The following VPS13A variants were observed in gnomAD, a reference collection of about 807,000 sequenced individuals.
The protein encoded by VPS13A is intermembrane lipid transfer protein VPS13A.
In VPS13A, 264 loss-of-function variants were observed where a neutral mutation model predicts 390.9. The observed-to-expected ratio is 0.68, with a 90% confidence interval of 0.61 to 0.75. The LOEUF is 0.75. Ranked by LOEUF, VPS13A falls within the 30% of genes least tolerant of loss-of-function variation. The pLI, the probability that VPS13A is intolerant of heterozygous loss-of-function variation, is 0.00. For synonymous variants in VPS13A, 1,231 were observed against 1,227.1 expected, an observed-to-expected ratio of 1.00 and a Z score of -0.07; for missense variants, 3,409 against 3,733.9, an observed-to-expected ratio of 0.91 and a Z score of 2.27.
intron 31 of VPS13A, among the ~76,000 whole-genome samples, chr9:77,291,876 T>C (rs1034880371): frequency 2.0e-5 from 3 of 152,168 alleles, no homozygotes; most frequent in Non-Finnish European, 4.4e-5. Context: ...GATTGATATC[T>C]CTCGTATTTC....
intron 17 of VPS13A, among the ~76,000 whole-genome samples, chr9:77,230,562 CTT>C (rs1181103291): frequency 2.6e-5 from 4 of 152,184 alleles, no homozygotes; most frequent in African/African-American, 7.2e-5. Flanking sequence ...TTTCTAGACT[CTT>C]AATTCTAATC....
Position 77,323,339 on chromosome 9 carries a change from T to A in VPS13A, c.5991+112T>A, listed in dbSNP as rs975081245. 11 of 1,291,086 alleles carry A rather than the reference T, an allele frequency of 8.5e-6. No homozygotes were observed. In the African/African-American group the frequency reaches 1.5e-4, roughly 17 times the overall value. 80.0% of individuals were successfully genotyped at this position (1,291,086 alleles called of 1,614,324 possible). ...GAAAGAATATAAACCGTAACAGTAA[T>A]ACAGCTGATATCAAAAAGAAGACTC... On this transcript the variant is annotated intron_variant, in intron 45 of 71. Coordinates refer to ENST00000360280, the MANE Select transcript of VPS13A (RefSeq NM_033305.3).
At chr9:77,314,286 A>G (rs1418363387) in intron 36 of VPS13A, among the ~76,000 whole-genome samples, 167 bp downstream of exon 36, 1 of 152,168 alleles carries the variant, frequency 6.6e-6, no homozygotes, top group African/African-American at 2.4e-5. Flanking sequence ...TCCCTTTTAA[A>G]TGAGTTATCT....
At chr9:77,294,300 C>T (rs1827850506) in intron 32 of VPS13A, among the ~76,000 whole-genome samples, 1 of 152,154 alleles carries the variant, frequency 6.6e-6, no homozygotes, top group African/African-American at 2.4e-5. Context: ...ATGACTCCAC[C>T]CTAAGGCATT....
intron 5 of VPS13A, among the ~76,000 whole-genome samples, chr9:77,207,243 A>ATGTATG: frequency 9.7e-6 from 1 of 103,220 alleles, no homozygotes; most frequent in East Asian, 4.0e-4. Context: ...ATATATATAT[A>ATGTATG]TATATATATA....
At chr9:77,274,987 T>C (rs1483469497) in intron 24 of VPS13A, among the ~76,000 whole-genome samples, 2 of 152,170 alleles carry the variant, frequency 1.3e-5, no homozygotes, top group African/African-American at 4.8e-5. Flanking sequence ...TATCAACGTA[T>C]ATGTACATAT....
intron 3 of VPS13A, among the ~76,000 whole-genome samples, chr9:77,202,356 A>G (rs1347783991): frequency 1.3e-5 from 2 of 152,092 alleles, no homozygotes. Context: ...GATTATTTAC[A>G]TGTGTACATT....
At chr9:77,198,093 T>C (rs1381141410) in intron 1 of VPS13A, among the ~76,000 whole-genome samples, 1 of 152,120 alleles carries the variant, frequency 6.6e-6, no homozygotes, top group Non-Finnish European at 1.5e-5. Flanking sequence ...GCTCTCAGTC[T>C]CCACCTACAA....
chr9:77,212,546 A>G (rs1415258833), intron 7 of VPS13A, among the ~76,000 whole-genome samples: 2 of 151,918 alleles, frequency 1.3e-5, no homozygotes, highest in African/African-American at 4.8e-5. Context: ...TTGTTGCCCA[A>G]ATTTGTCTCA....
Position 77,283,447 on chromosome 9 carries a change from A to AT in VPS13A, c.3211_3212insT (p.Asn1071IlefsTer4). The AT allele has an allele frequency of 6.3e-7, 1 of 1,598,506 alleles. No homozygotes were observed. Among genetic ancestry groups the AT allele is most frequent in the Non-Finnish European group, 8.6e-7 (1 of 1,166,274 alleles). ...GATCTTTATTCAAGATCAGAAATGT[A>AT]ACATTTCTGAAATTAAGATTGAAGG... is the stretch of plus-strand genomic sequence containing the variant. On this transcript the variant is annotated frameshift_variant, in exon 30 of 72. Transcript: ENST00000360280. LOFTEE classifies it high-confidence loss of function.
At chr9:77,213,183 T>C (rs1826068421) in intron 8 of VPS13A, 51 bp from the exon 9 acceptor site, 1 of 1,575,898 alleles carries the variant, frequency 6.3e-7, no homozygotes, top group African/African-American at 1.3e-5. Flanking sequence ...AAATAGTGTA[T>C]GATAAAAATT....
intron 40 of VPS13A, among the ~76,000 whole-genome samples, 189 bp downstream of exon 40, chr9:77,317,887 T>A (rs917087624): frequency 6.6e-6 from 1 of 151,966 alleles, no homozygotes; most frequent in Non-Finnish European, 1.5e-5. Context: ...ATTCTATATT[T>A]TATTATTTAC....
chr9:77,348,951 A>G (rs141512053), intron 52 of VPS13A, among the ~76,000 whole-genome samples: 3,201 of 152,312 alleles, frequency 0.021, 117 homozygotes, highest in African/African-American at 0.073. Context: ...TTATTTGATA[A>G]TCAACACATT....
intron 68 of VPS13A, chr9:77,384,858 G>A: frequency 7.0e-7 from 1 of 1,436,244 alleles, no homozygotes; most frequent in African/African-American, 1.4e-5. Context: ...AGAAAAAAAT[G>A]TATCTTACAT....
At chr9:77,226,419 T>C in intron 14 of VPS13A, 47 bp from the exon 15 acceptor site, 1 of 1,546,436 alleles carries the variant, frequency 6.5e-7, no homozygotes, top group South Asian at 1.1e-5. Flanking sequence ...TTTCAGTTGC[T>C]AAATAAAGGA....
chr9:77,269,844 C>T (rs965928963), intron 23 of VPS13A, among the ~76,000 whole-genome samples: 2 of 152,168 alleles, frequency 1.3e-5, no homozygotes, highest in Non-Finnish European at 2.9e-5. Context: ...AGGTTCTTTA[C>T]AGCAGTGATT....
chr9:77,392,471 C>T (rs1347083381), intron 68 of VPS13A, among the ~76,000 whole-genome samples: 1 of 152,042 alleles, frequency 6.6e-6, no homozygotes, highest in Non-Finnish European at 1.5e-5. Flanking sequence ...TATCTGACGT[C>T]AGTTTCCAGG....
intron 1 of VPS13A, among the ~76,000 whole-genome samples, chr9:77,185,953 C>A (rs1299248319): frequency 6.6e-6 from 1 of 152,044 alleles, no homozygotes; most frequent in Non-Finnish European, 1.5e-5. Context: ...ATGGTGAAAC[C>A]CCATCTCTAC....
At chr9:77,256,855 T>A (rs1587432845) in intron 22 of VPS13A, among the ~76,000 whole-genome samples, 1 of 150,280 alleles carries the variant, frequency 6.7e-6, no homozygotes, top group African/African-American at 2.4e-5. Context: ...TCTTTCTTCA[T>A]TTTTTTTTTC....
Sources: gnomAD v4.1 joint callset for allele counts (sites outside exome capture counted in the v4.1 genomes callset) on GRCh38, gnomAD v4.1.1 for gene constraint, MANE v1.5 for transcripts, NCBI Gene and HGNC (gene_info 2026-07-23, HGNC 2026-07-21) for gene names.